Variants in WDPCP observed in about 807,000 individuals in gnomAD.
WDPCP encodes the protein WD repeat-containing and planar cell polarity effector protein fritz homolog.
Under a neutral mutation model 93.1 loss-of-function variants are expected in WDPCP, and 71 were observed. The ratio of observed to expected loss-of-function variants is 0.76; its 90% CI spans 0.63 to 0.93. WDPCP has a LOEUF of 0.93. Ranked by LOEUF, WDPCP falls within the 40% of genes least tolerant of loss-of-function variation. WDPCP has a pLI of 0.00. For missense variants in WDPCP, 844 were observed against 887.4 expected, an observed-to-expected ratio of 0.95 and a Z score of 0.62; for synonymous variants, 315 against 315.0, an observed-to-expected ratio of 1.00 and a Z score of 0.00.
chr2:63,663,631 AT>A (rs1710253244), intron 2 of WDPCP, among the ~76,000 whole-genome samples: 1 of 152,156 alleles, frequency 6.6e-6, no homozygotes, highest in Non-Finnish European at 1.5e-5. Context: ...GGTGTGATTT[AT>A]AAAAGTTGGT....
At chr2:63,176,397 C>T (rs1673805451) in intron 14 of WDPCP, among the ~76,000 whole-genome samples, 2 of 151,952 alleles carry the variant, frequency 1.3e-5, no homozygotes, top group Non-Finnish European at 2.9e-5. Flanking sequence ...CAGGTGTGTA[C>T]CACAATGCAT....
At chr2:63,743,763 G>A (rs147463264) in intron 2 of WDPCP, among the ~76,000 whole-genome samples, 7 of 152,140 alleles carry the variant, frequency 4.6e-5, no homozygotes, top group Non-Finnish European at 1.0e-4. Context: ...ACCATGAGCT[G>A]CTTAAAAGTA....
intron 2 of WDPCP, among the ~76,000 whole-genome samples, chr2:63,778,764 T>G (rs1283705808): frequency 6.6e-6 from 1 of 152,222 alleles, no homozygotes; most frequent in East Asian, 1.9e-4. Flanking sequence ...AACATAAATG[T>G]CTTAACCTTT....
intron 9 of WDPCP, among the ~76,000 whole-genome samples, chr2:63,420,083 T>C (rs1287947121): frequency 6.6e-6 from 1 of 152,130 alleles, no homozygotes; most frequent in Non-Finnish European, 1.5e-5. Context: ...TTTTAAAAGG[T>C]ACACTTTATT....
At chr2:63,287,294 CT>C (rs75306016) in intron 13 of WDPCP, among the ~76,000 whole-genome samples, 475 of 142,028 alleles carry the variant, frequency 3.3e-3, no homozygotes, top group Middle Eastern at 3.6e-3. Context: ...ACCATCCATT[CT>C]TTTTTTTTTT....
At chr2:63,816,767 T>C (rs904884792) in intron 1 of WDPCP, among the ~76,000 whole-genome samples, 1 of 152,188 alleles carries the variant, frequency 6.6e-6, no homozygotes, top group Non-Finnish European at 1.5e-5. Context: ...ATGTGGTATA[T>C]TCATAAAATG....
At chr2:63,616,537 C>G (rs1709674757) in intron 3 of WDPCP, among the ~76,000 whole-genome samples, 1 of 152,076 alleles carries the variant, frequency 6.6e-6, no homozygotes, top group Admixed American at 6.6e-5. Flanking sequence ...ATCCTTTACT[C>G]TATAGCATAA....
At chr2:63,808,596 G>A (rs545692188) in intron 2 of WDPCP, among the ~76,000 whole-genome samples, 68 of 152,312 alleles carry the variant, frequency 4.5e-4, no homozygotes, top group Non-Finnish European at 6.3e-4. Flanking sequence ...CACCAGCCTC[G>A]GCCTCCCGAG....
chr2:63,394,083 ACAAT>A (rs1020252052), intron 10 of WDPCP, among the ~76,000 whole-genome samples: 11 of 152,190 alleles, frequency 7.2e-5, no homozygotes, highest in Admixed American at 7.2e-4. Flanking sequence ...GACTAAAGAA[ACAAT>A]CAACAGAGTA....
At chr2:63,410,944 G>C (rs1018319623) in intron 9 of WDPCP, among the ~76,000 whole-genome samples, 8 of 152,104 alleles carry the variant, frequency 5.3e-5, no homozygotes, top group African/African-American at 1.9e-4. Flanking sequence ...CAATAATAGA[G>C]GGGGACTTCA....
At chr2:63,156,136 A>G (rs1165821709) in intron 15 of WDPCP, among the ~76,000 whole-genome samples, 1 of 151,904 alleles carries the variant, frequency 6.6e-6, no homozygotes, top group African/African-American at 2.4e-5. Flanking sequence ...AGTAGCTGGG[A>G]CTACAGGCGT....
chr2:63,759,129 G>T (rs138022819), intron 2 of WDPCP, among the ~76,000 whole-genome samples: 1,865 of 152,116 alleles, frequency 0.012, 16 homozygotes, highest in Non-Finnish European at 0.015. Context: ...GTGAATAGAA[G>T]GCATGCTGGG....
chr2:63,603,344 T>C (rs939358009), intron 3 of WDPCP, among the ~76,000 whole-genome samples: 2 of 152,232 alleles, frequency 1.3e-5, no homozygotes, highest in Non-Finnish European at 2.9e-5. Context: ...AATATCAAAG[T>C]GTATTCCTTT....
In WDPCP at chr2:63,416,527, C is replaced by CT. The variant is rs761206190; in HGVS notation, c.826-11871dup. On this transcript the variant is annotated intron_variant, in intron 9 of 17. Coordinates refer to ENST00000272321, the MANE Select transcript of WDPCP (RefSeq NM_015910.7). ...GACATTAGCATTAACACCAAAAATA[C>CT]TTTTTTTTTTTTTTGAGACGGAGTC... 4.5e-3 allele frequency among the ~76,000 whole-genome samples: 260 copies of CT among 58,304 alleles called. 1 individual carries two copies. Among genetic ancestry groups the CT allele is most frequent in the East Asian group, 9.4e-3 (21 of 2,238 alleles). The allele number at this position is 58,304 out of a possible 152,430, so 38.2% of individuals were successfully genotyped here.
chr2:63,820,217 A>G (rs1162389058), intron 1 of WDPCP, among the ~76,000 whole-genome samples: 1 of 152,202 alleles, frequency 6.6e-6, no homozygotes, highest in Non-Finnish European at 1.5e-5. Flanking sequence ...CAGGTTTGTC[A>G]GGAAAATGAA....
chr2:63,132,658 C>T (rs1670366307), intron 17 of WDPCP, among the ~76,000 whole-genome samples: 1 of 151,318 alleles, frequency 6.6e-6, no homozygotes, highest in African/African-American at 2.4e-5. Flanking sequence ...CCCAGTGTGC[C>T]CATTATATTT....
chr2:63,145,672 G>A (rs1671445957), intron 17 of WDPCP, among the ~76,000 whole-genome samples: 1 of 152,152 alleles, frequency 6.6e-6, no homozygotes, highest in Admixed American at 6.5e-5. Context: ...AACTTGTCCT[G>A]GGCTACCTGC....
chr2:63,814,987 A>T (rs1312760680), intron 1 of WDPCP, among the ~76,000 whole-genome samples: 1 of 152,256 alleles, frequency 6.6e-6, no homozygotes, highest in Non-Finnish European at 1.5e-5. Context: ...TATTCCAAAT[A>T]ATGAAACTGT....
intron 14 of WDPCP, among the ~76,000 whole-genome samples, chr2:63,209,254 T>C (rs776059294): frequency 2.6e-4 from 39 of 152,202 alleles, no homozygotes; most frequent in Non-Finnish European, 5.4e-4. Flanking sequence ...CTCACACTTA[T>C]TGTTCACCTT....
Sources: allele counts gnomAD v4.1 joint callset (sites outside exome capture counted in the v4.1 genomes callset), GRCh38; gene constraint gnomAD v4.1.1; transcripts MANE v1.5; gene names NCBI Gene and HGNC (gene_info 2026-07-23, HGNC 2026-07-21).